GLMN: variants seen among roughly 807,000 people sequenced by gnomAD.
GLMN encodes the protein glomulin, FKBP associated protein, also known as glomulin.
In GLMN, 75 loss-of-function variants were observed where a neutral mutation model predicts 87.8. That is an observed-to-expected ratio of 0.85 (90% confidence interval 0.71 to 1.04). The LOEUF is 1.04. Ranked by LOEUF, GLMN falls within the 50% of genes least tolerant of loss-of-function variation. The pLI, the probability that GLMN is intolerant of heterozygous loss-of-function variation, is 0.00. For missense variants in GLMN, 588 were observed against 658.8 expected (o/e 0.89, Z 1.18); for synonymous variants, 206 against 221.6 (o/e 0.93, Z 0.63).
the GLMN span, among the ~76,000 whole-genome samples, chr1:92,328,370 T>C: frequency 1.6e-3 from 249 of 152,348 alleles, 3 homozygotes; most frequent in African/African-American, 5.9e-3. Flanking sequence ...TTTTTCTTTG[T>C]TGGACTGGGT....
At chr1:92,265,119 G>A (rs1655466862) in intron 13 of GLMN, among the ~76,000 whole-genome samples, 1 of 152,152 alleles carries the variant, frequency 6.6e-6, no homozygotes, top group Admixed American at 6.5e-5. Flanking sequence ...GGGATTACAG[G>A]CATGAGCCAC....
chr1:92,285,169 G>A (rs1370214239), intron 7 of GLMN, among the ~76,000 whole-genome samples: 1 of 152,122 alleles, frequency 6.6e-6, no homozygotes, highest in Non-Finnish European at 1.5e-5. Flanking sequence ...GCACATGTGT[G>A]TTTCTTGCAG....
chr1:92,347,259 C>A, the GLMN span, among the ~76,000 whole-genome samples: 1 of 152,234 alleles, frequency 6.6e-6, no homozygotes, highest in Admixed American at 6.5e-5. Flanking sequence ...TGAAACAGAT[C>A]TTATTAATTT....
At chr1:92,335,262 A>G in the GLMN span, among the ~76,000 whole-genome samples, 1 of 152,234 alleles carries the variant, frequency 6.6e-6, no homozygotes, top group Non-Finnish European at 1.5e-5. Flanking sequence ...AGGGAATGAA[A>G]AATGAAGCAA....
At chr1:92,318,313 A>G in the GLMN span, among the ~76,000 whole-genome samples, 1 of 152,150 alleles carries the variant, frequency 6.6e-6, no homozygotes, top group African/African-American at 2.4e-5. Context: ...CTGGGGAAAT[A>G]TTATGTTACT....
In GLMN at chr1:92,271,535, A is replaced by G; in HGVS notation, c.853T>C (p.Ser285Pro). The change falls in exon 8 of 19, where the codon TCA (serine) becomes CCA (proline). Residue 285 changes from serine (S) to proline (P), a missense_variant. Coordinates refer to ENST00000370360, the MANE Select transcript of GLMN (RefSeq NM_053274.3). ...ACTAGATATGCCAGAGAAGCCATTGAGTCTGCTAACTGTTTATTTTCTTCT... is the reference window on the plus strand; with the variant it reads ...ACTAGATATGCCAGAGAAGCCATTGGGTCTGCTAACTGTTTATTTTCTTCT... ...EEEENKQLAD[S>P]MASLAYLVFV... 1 of 1,612,478 alleles carries G rather than the reference A, an allele frequency of 6.2e-7. No individual in the cohort carries two copies. Among genetic ancestry groups the G allele is most frequent in the Non-Finnish European group, 8.5e-7 (1 of 1,178,560 alleles).
the GLMN span, among the ~76,000 whole-genome samples, chr1:92,332,128 A>G: frequency 6.8e-6 from 1 of 147,480 alleles, no homozygotes; most frequent in Non-Finnish European, 1.5e-5. Flanking sequence ...TTTTTACTGT[A>G]TCTTGTAGGT....
chr1:92,251,030 G>A (rs1653412309), intron 16 of GLMN, among the ~76,000 whole-genome samples: 2 of 152,040 alleles, frequency 1.3e-5, no homozygotes, highest in African/African-American at 4.8e-5. Context: ...TTTTGTTAAG[G>A]TAATTTTTGC....
At chr1:92,326,002 T>G in the GLMN span, among the ~76,000 whole-genome samples, 1 of 152,120 alleles carries the variant, frequency 6.6e-6, no homozygotes, top group Non-Finnish European at 1.5e-5. Flanking sequence ...CTTTCTCGTA[T>G]TTATCTCTCT....
the GLMN span, among the ~76,000 whole-genome samples, chr1:92,335,475 C>T: frequency 1.3e-5 from 2 of 152,010 alleles, no homozygotes; most frequent in African/African-American, 4.8e-5. Flanking sequence ...CCTGTAATCC[C>T]ACCACTCAAC....
the GLMN span, chr1:92,304,167 C>A: frequency 1.7e-6 from 2 of 1,194,418 alleles, no homozygotes; most frequent in South Asian, 1.3e-5. Context: ...AACCTAAGGT[C>A]ATGAACTAAA....
intron 16 of GLMN, among the ~76,000 whole-genome samples, chr1:92,257,397 CT>C (rs1307450494): frequency 6.6e-6 from 1 of 152,152 alleles, no homozygotes; most frequent in Non-Finnish European, 1.5e-5. Context: ...GAAAAAACTA[CT>C]TTAAATTTCA....
intron 6 of GLMN, among the ~76,000 whole-genome samples, chr1:92,287,443 G>A (rs1220918776): frequency 6.6e-6 from 1 of 151,886 alleles, no homozygotes; most frequent in Non-Finnish European, 1.5e-5. Context: ...TGGGCTCAAA[G>A]GATCCTCCTG....
the GLMN span, among the ~76,000 whole-genome samples, chr1:92,352,213 T>G: frequency 1.3e-5 from 2 of 152,224 alleles, no homozygotes. Flanking sequence ...ATACAATAGT[T>G]TATTCTCTCT....
the GLMN span, among the ~76,000 whole-genome samples, chr1:92,316,639 T>G: frequency 6.6e-5 from 10 of 152,234 alleles, no homozygotes; most frequent in Non-Finnish European, 1.5e-4. Context: ...TACATATTTT[T>G]GTTTTGTAAA....
At chr1:92,328,121 G>T in the GLMN span, among the ~76,000 whole-genome samples, 1 of 152,314 alleles carries the variant, frequency 6.6e-6, no homozygotes, top group East Asian at 1.9e-4. Flanking sequence ...ATAACCTGAT[G>T]ACTATGTGCC....
At chr1:92,370,013 T>C in the GLMN span, among the ~76,000 whole-genome samples, 1 of 152,294 alleles carries the variant, frequency 6.6e-6, no homozygotes, top group South Asian at 2.1e-4. Context: ...TCCTCCCAAG[T>C]AGCTGGGACT....
intron 3 of GLMN, among the ~76,000 whole-genome samples, chr1:92,295,682 G>A (rs1036056663): frequency 6.6e-6 from 1 of 152,172 alleles, no homozygotes; most frequent in South Asian, 2.1e-4. Flanking sequence ...GTGGTTAGGA[G>A]CTCCAAAACC....
chr1:92,246,952 A>G, intron 18 of GLMN, 110 bp downstream of exon 18: 1 of 758,198 alleles, frequency 1.3e-6, no homozygotes. Context: ...GAGCCCAGGG[A>G]GTTGAAGCTG....
Sources: allele counts gnomAD v4.1 joint callset (sites outside exome capture counted in the v4.1 genomes callset), GRCh38; gene constraint gnomAD v4.1.1; transcripts MANE v1.5; gene names NCBI Gene and HGNC (gene_info 2026-07-23, HGNC 2026-07-21).